ATG2B: variants seen among roughly 807,000 people sequenced by gnomAD.
The protein encoded by ATG2B is autophagy-related protein 2 homolog B.
A neutral mutation model predicts 241.3 loss-of-function variants in ATG2B; 121 were observed. That is an observed-to-expected ratio of 0.50 (90% CI 0.43 to 0.58). ATG2B has a LOEUF of 0.58. Among genes scored for constraint, ATG2B ranks in the 20% least tolerant of loss-of-function variants. ATG2B has a pLI of 0.00. For missense variants in ATG2B, 2,306 were observed against 2,491.6 expected, an observed-to-expected ratio of 0.93 and a Z score of 1.59; for synonymous variants, 858 against 876.6, an observed-to-expected ratio of 0.98 and a Z score of 0.37.
intron 6 of ATG2B, among the ~76,000 whole-genome samples, 155 bp downstream of exon 6, chr14:96,341,367 G>A (rs1159415193): frequency 6.6e-6 from 1 of 152,198 alleles, no homozygotes; most frequent in Admixed American, 6.5e-5. Flanking sequence ...ACCTAGGATA[G>A]AAGCATCAAC....
Position 96,316,647 on chromosome 14 carries a change from C to T in ATG2B, c.3247G>A (p.Glu1083Lys). The T allele has an allele frequency of 1.2e-6, 2 of 1,611,100 alleles. No individual in the cohort carries two copies. Among genetic ancestry groups the T allele is most frequent in the East Asian group, 2.2e-5 (1 of 44,802 alleles). ...NGDLLENKHG[E>K]FWLEFNSGSL... ...CCACTATTGAACTCTAACCAGAATTCACCATGCTTGTTTTCCAACAGATCT... is the reference window on the plus strand; with the variant it reads ...CCACTATTGAACTCTAACCAGAATTTACCATGCTTGTTTTCCAACAGATCT... Residue 1083 changes from glutamate to lysine, a missense_variant, in exon 21 of 42, where the codon GAA becomes AAA. By Grantham distance (56) the Glu-to-Lys change is moderately conservative. Transcript: ENST00000359933.
chr14:96,316,550 A>T lies in ATG2B; in HGVS notation c.3344T>A (p.Phe1115Tyr), dbSNP rs1343406938. The change falls in exon 21 of 42, where the codon TTC becomes TAC. Residue 1115 changes from phenylalanine (F) to tyrosine (Y), a missense_variant. By Grantham distance (22) the Phe-to-Tyr change is conservative. This residue lies in a region of ATG2B where 1,927 missense variants were observed against 2,011.2 expected (regional missense o/e 0.96). Transcript: ENST00000359933. ...TGTCCTACCTTTATGGTACAGACTG[A>T]AACTGCTAGAATGAAGGCAAATGTA... Reference protein sequence around the residue: ...KHYICLHSSSFSLYHKGIVNG... With the variant: ...KHYICLHSSSYSLYHKGIVNG... 2 of 1,613,652 alleles carry T rather than the reference A, an allele frequency of 1.2e-6. No homozygotes were observed. The highest frequency in any genetic ancestry group is 2.2e-5 in the South Asian group (2 of 90,992).
At chr14:96,303,451 G>C (rs757404525) in intron 32 of ATG2B, among the ~76,000 whole-genome samples, 196 bp from the exon 33 acceptor site, 1 of 152,034 alleles carries the variant, frequency 6.6e-6, no homozygotes, top group African/African-American at 2.4e-5. Flanking sequence ...AGTGCTCCCT[G>C]CTTGTCCAAG....
At position 96,285,928 on chromosome 14, in the gene ATG2B, T is replaced by TG; in HGVS notation, c.6063dup (p.Arg2022GlnfsTer41). 6.2e-7 allele frequency: 1 copy of TG among 1,614,036 alleles called. No homozygotes were observed. Among genetic ancestry groups the TG allele is most frequent in the East Asian group, 2.2e-5 (1 of 44,884 alleles). On this transcript the variant is annotated frameshift_variant, in exon 42 of 42. Coordinates refer to ENST00000359933, the MANE Select transcript of ATG2B (RefSeq NM_018036.7). LOFTEE classifies it high-confidence loss of function. This position sits in a 1 kb window ranked among gnomAD's most constrained non-coding sequence, Gnocchi z 4.2. ...TCGCCCACGGCACCAGTCACCCCTC[T>TG]GCTCTCGTGTTCTCGAGCCGCAGTT...
At position 96,297,657 on chromosome 14, in the gene ATG2B, A is replaced by G. The variant is rs1886682633; in HGVS notation, c.5140-2097T>C. 3.9e-5 allele frequency among the ~76,000 whole-genome samples: 6 copies of G among 152,314 alleles called. No individual in the cohort carries two copies. In the South Asian group the frequency reaches 1.2e-3, roughly 32 times the overall value. On this transcript the variant is annotated intron_variant, in intron 34 of 41. Transcript: ENST00000359933. ...CGTGATCCACCCGCCTCGGCCTCCC[A>G]AAGTGCTGAGATTACAGGCGTGAGC...
chr14:96,283,899 A>T lies in ATG2B; in HGVS notation c.*1856T>A, dbSNP rs1275309078. 1.3e-5 allele frequency: 2 copies of T among 152,234 alleles called. No homozygotes were observed. 9.4% of individuals were successfully genotyped at this position (152,234 alleles called of 1,614,324 possible). A position where few individuals can be genotyped will look rare whatever the true frequency, so the allele number is the denominator to read the frequency against. On this transcript the variant is annotated 3_prime_UTR_variant, in exon 42 of 42. Coordinates refer to ENST00000359933, the MANE Select transcript of ATG2B (RefSeq NM_018036.7). ...ACCGCGGAGATTACATTACAAAGATATATGTTTAAATGAGATTTGTAAACT... is the reference window on the plus strand; with the variant it reads ...ACCGCGGAGATTACATTACAAAGATTTATGTTTAAATGAGATTTGTAAACT...
intron 1 of ATG2B, among the ~76,000 whole-genome samples, chr14:96,355,998 G>A (rs529175383): frequency 2.0e-5 from 3 of 151,878 alleles, no homozygotes; most frequent in East Asian, 1.9e-4. Context: ...GTGAAACCCC[G>A]TCTCTACTAA....
chr14:96,334,527 A>T (rs772036004), intron 6 of ATG2B, 26 bp from the exon 7 acceptor site: 16 of 1,351,912 alleles, frequency 1.2e-5, no homozygotes, highest in African/African-American at 1.5e-5. Context: ...AAAACTATTC[A>T]TGAGGAGTAT....
At chr14:96,341,456 G>T in intron 6 of ATG2B, 66 bp downstream of exon 6, 1 of 1,281,840 alleles carries the variant, frequency 7.8e-7, no homozygotes, top group South Asian at 1.7e-5. Flanking sequence ...GTGAATCACT[G>T]CATAGAATAA....
intron 5 of ATG2B, 44 bp downstream of exon 5, chr14:96,343,074 TA>T: frequency 7.0e-7 from 1 of 1,438,192 alleles, no homozygotes; most frequent in Non-Finnish European, 9.2e-7. Flanking sequence ...TTAAACCTTT[TA>T]AAAAATCTAT....
rs1158047043 is a variant in ATG2B, at chr14:96,285,513, G to A, written c.*242C>T. ...ACAAAAGTGAGCCTTCCACTAACTT[G>A]GCAGCAAATGCTTTAAGGACCTTTG... On this transcript the variant is annotated 3_prime_UTR_variant, in exon 42 of 42. Coordinates refer to ENST00000359933, the MANE Select transcript of ATG2B (RefSeq NM_018036.7). The surrounding 1 kb of genome is among the most constrained non-coding windows in gnomAD (Gnocchi z 4.2). 1.9e-6 allele frequency: 1 copy of A among 521,462 alleles called. No individual in the cohort carries two copies. The highest frequency in any genetic ancestry group is 3.4e-6 in the Non-Finnish European group (1 of 290,188). 32.3% of individuals were successfully genotyped at this position (521,462 alleles called of 1,614,324 possible).
intron 31 of ATG2B, among the ~76,000 whole-genome samples, chr14:96,304,923 T>C (rs1428054466): frequency 6.6e-6 from 1 of 152,178 alleles, no homozygotes; most frequent in African/African-American, 2.4e-5. Context: ...TCTTGTTACT[T>C]TGGAAACCCT....
chr14:96,331,705 T>A, intron 10 of ATG2B, 68 bp from the exon 11 acceptor site: 1 of 1,209,066 alleles, frequency 8.3e-7, no homozygotes. Flanking sequence ...TTATAAAACA[T>A]TTACTCATTT....
intron 34 of ATG2B, among the ~76,000 whole-genome samples, chr14:96,296,412 A>G (rs1464451351): frequency 2.0e-5 from 3 of 152,114 alleles, no homozygotes; most frequent in Admixed American, 6.5e-5. Flanking sequence ...TGACAAATAT[A>G]TCTTCGAGGA....
chr14:96,315,238 T>G lies in ATG2B; in HGVS notation c.3562-4A>C. On this transcript the variant is annotated splice_polypyrimidine_tract_variant and splice_region_variant and intron_variant, in intron 22 of 41. Transcript: ENST00000359933. ...GTCCTACGGCAATGAGAAATTCCTA[T>G]ACAGAACAAGACAAAGAATGACATT... The G allele has an allele frequency of 6.2e-7, 1 of 1,613,102 alleles. No individual in the cohort carries two copies. The highest frequency in any genetic ancestry group is 1.7e-4 in the Middle Eastern group (1 of 6,058).
intron 15 of ATG2B, among the ~76,000 whole-genome samples, chr14:96,325,107 G>T (rs1314058316): frequency 6.6e-6 from 1 of 152,196 alleles, no homozygotes; most frequent in Non-Finnish European, 1.5e-5. Flanking sequence ...ATTAGTTAGT[G>T]TAATGGTTGA....
chr14:96,298,392 T>A (rs1474470862), intron 34 of ATG2B, among the ~76,000 whole-genome samples: 1 of 152,220 alleles, frequency 6.6e-6, no homozygotes, highest in African/African-American at 2.4e-5. Flanking sequence ...AACATATACT[T>A]ATCTTATGAC....
intron 18 of ATG2B, among the ~76,000 whole-genome samples, chr14:96,320,690 T>C (rs752707728): frequency 2.6e-5 from 4 of 152,184 alleles, no homozygotes; most frequent in Non-Finnish European, 2.9e-5. Context: ...CCTGATTTAA[T>C]CAAAAGCAAT....
At chr14:96,351,353 G>A (rs1029632197) in intron 1 of ATG2B, among the ~76,000 whole-genome samples, 2 of 152,182 alleles carry the variant, frequency 1.3e-5, no homozygotes, top group African/African-American at 4.8e-5. Context: ...AGTAGTCCCA[G>A]CAATTTTGGA....
Sources: gnomAD v4.1 joint callset for allele counts (sites outside exome capture counted in the v4.1 genomes callset) on GRCh38, gnomAD v4.1.1 for gene constraint, gnomAD v4.1.1 regional missense constraint, Gnocchi (gnomAD v3.1) non-coding constraint, MANE v1.5 for transcripts, NCBI Gene and HGNC (gene_info 2026-07-23, HGNC 2026-07-21) for gene names.